ARID4B: variants seen among roughly 807,000 people sequenced by gnomAD.
ARID4B encodes AT-rich interaction domain 4B.
A neutral mutation model predicts 147.5 loss-of-function variants in ARID4B; 26 were observed. The ratio of observed to expected loss-of-function variants is 0.18; its 90% CI spans 0.13 to 0.24. The LOEUF (loss-of-function observed/expected upper bound fraction) is 0.24. Among genes scored for constraint, ARID4B ranks in the 10% least tolerant of loss-of-function variants. The pLI is 1.00. For missense variants in ARID4B, 1,179 were observed against 1,511.5 expected, an observed-to-expected ratio of 0.78 and a Z score of 3.65; for synonymous variants, 512 against 507.9, an observed-to-expected ratio of 1.01 and a Z score of -0.11.
chr1:235,228,870 C>T (rs2103043681), intron 11 of ARID4B: 1 of 177,082 alleles, frequency 5.6e-6, no homozygotes, highest in Non-Finnish European at 1.2e-5. Context: ...TGGTCTCGAT[C>T]TCCTGACCTC....
At chr1:235,246,621 C>T in intron 6 of ARID4B, 110 bp from the exon 7 acceptor site, 1 of 707,432 alleles carries the variant, frequency 1.4e-6, no homozygotes, top group Non-Finnish European at 2.4e-6. Flanking sequence ...TTAAACTCTC[C>T]CCCCAGGGAA....
chr1:235,173,034 G>A (rs1251741604), intron 22 of ARID4B, among the ~76,000 whole-genome samples: 3 of 152,024 alleles, frequency 2.0e-5, no homozygotes, highest in Non-Finnish European at 4.4e-5. Flanking sequence ...TATTACCACA[G>A]TAAAAAATCA....
intron 2 of ARID4B, among the ~76,000 whole-genome samples, chr1:235,305,683 G>A (rs1298747768): frequency 6.6e-6 from 1 of 152,160 alleles, no homozygotes; most frequent in African/African-American, 2.4e-5. Context: ...AATGGGCCAG[G>A]CACGGGGACT....
chr1:235,172,589 A>G (rs1663447323), intron 23 of ARID4B, 29 bp downstream of exon 23: 5 of 1,409,792 alleles, frequency 3.5e-6, no homozygotes, highest in Non-Finnish European at 4.7e-6. Flanking sequence ...AAATAAATAA[A>G]TAAATAAAAA....
intron 2 of ARID4B, among the ~76,000 whole-genome samples, chr1:235,261,325 C>T (rs1018380243): frequency 1.3e-5 from 2 of 152,056 alleles, no homozygotes; most frequent in Non-Finnish European, 2.9e-5. Context: ...TTTGAGACCA[C>T]CCCAAGCAAC....
chr1:235,244,248 G>A (rs1226457046), intron 7 of ARID4B, among the ~76,000 whole-genome samples: 1 of 152,020 alleles, frequency 6.6e-6, no homozygotes, highest in African/African-American at 2.4e-5. Flanking sequence ...TTTTTCTGAA[G>A]GGGAAAAATA....
intron 2 of ARID4B, among the ~76,000 whole-genome samples, chr1:235,325,657 G>T (rs953542914): frequency 2.0e-5 from 3 of 152,142 alleles, no homozygotes; most frequent in Non-Finnish European, 1.5e-5. Context: ...TTTTACACAG[G>T]TGATGAGAGT....
intron 2 of ARID4B, among the ~76,000 whole-genome samples, chr1:235,289,532 T>A (rs1301527090): frequency 1.3e-5 from 2 of 152,020 alleles, no homozygotes; most frequent in African/African-American, 4.8e-5. Flanking sequence ...GAGACCAGCC[T>A]GGACAACATA....
intron 17 of ARID4B, among the ~76,000 whole-genome samples, chr1:235,213,368 C>T (rs1042811092): frequency 3.3e-5 from 5 of 152,080 alleles, no homozygotes; most frequent in African/African-American, 1.2e-4. Context: ...TTTTAAATCC[C>T]TGACTACAGA....
At chr1:235,302,631 A>G (rs1005873963) in intron 2 of ARID4B, among the ~76,000 whole-genome samples, 17 of 152,186 alleles carry the variant, frequency 1.1e-4, no homozygotes, top group African/African-American at 3.4e-4. Context: ...ACTCCTATTG[A>G]TAACACTGCT....
Position 235,182,060 on chromosome 1 carries a change from A to G in ARID4B, c.2859T>C (p.Ala953=). 1 of 1,614,086 alleles carries G rather than the reference A, an allele frequency of 6.2e-7. No individual in the cohort carries two copies. The highest frequency in any genetic ancestry group is 8.5e-7 in the Non-Finnish European group (1 of 1,180,000). ...LFSDSDTEAA[A]SPPHPAPEEG... Reference sequence around the variant, plus strand: ...CCTCTGGGGCAGGATGCGGTGGGGAAGCTGCAGCCTCAGTATCAGAGTCTG... The same window carrying G: ...CCTCTGGGGCAGGATGCGGTGGGGAGGCTGCAGCCTCAGTATCAGAGTCTG... Residue 953 remains alanine (A), a synonymous_variant, in exon 20 of 24, where the codon GCT becomes GCC. Coordinates refer to ENST00000264183, the MANE Select transcript of ARID4B (RefSeq NM_016374.6).
At chr1:235,231,835 T>C (rs1668257492) in intron 9 of ARID4B, among the ~76,000 whole-genome samples, 1 of 152,186 alleles carries the variant, frequency 6.6e-6, no homozygotes, top group South Asian at 2.1e-4. Context: ...GGGCCAGCCA[T>C]GGTGATTCAT....
rs1454397407 is a variant in ARID4B, at chr1:235,234,490, C to G, written c.588G>C (p.Val196=). Residue 196 remains valine (V), a splice_region_variant and synonymous_variant, in exon 9 of 24, where the codon GTG becomes GTC. Transcript: ENST00000264183. ...TCTCATCACTACAATCAGGACAAAC[C>G]ACCTTTTAAGAAAAAGGGTGAAGCT... ...KKKALWFPAL[V]VCPDCSDEIA... 5 of 1,598,846 alleles carry G rather than the reference C, an allele frequency of 3.1e-6. No homozygotes were observed. The highest frequency in any genetic ancestry group is 3.4e-6 in the Non-Finnish European group (4 of 1,169,028).
chr1:235,221,598 G>C lies in ARID4B; in HGVS notation c.1130C>G (p.Ala377Gly). Reference sequence around the variant, plus strand: ...AGCACATTTAACATTGTATCCTGCAGCTGAATTTAAGACAGGGATTCCAAG... The same window carrying C: ...AGCACATTTAACATTGTATCCTGCACCTGAATTTAAGACAGGGATTCCAAG... ...QDLGIPVLNS[A>G]AGYNVKCAYK... is the part of the protein sequence containing the mutation. The change falls in exon 14 of 24, where the codon GCT becomes GGT. Residue 377 changes from alanine to glycine, a missense_variant. Ala to Gly is a moderately conservative substitution (Grantham distance 60, BLOSUM62 0). Coordinates refer to ENST00000264183, the MANE Select transcript of ARID4B (RefSeq NM_016374.6). The C allele has an allele frequency of 6.2e-7, 1 of 1,610,418 alleles. No individual in the cohort carries two copies. The highest frequency in any genetic ancestry group is 8.5e-7 in the Non-Finnish European group (1 of 1,177,456).
chr1:235,240,599 C>T lies in ARID4B; in HGVS notation c.447-148G>A. 4.0e-6 allele frequency: 3 copies of T among 743,374 alleles called. No homozygotes were observed. In the East Asian group the frequency reaches 8.3e-5, roughly 21 times the overall value. 46.0% of individuals were successfully genotyped at this position (743,374 alleles called of 1,614,324 possible). On this transcript the variant is annotated intron_variant, in intron 7 of 23. Transcript: ENST00000264183. ...AAATCTTAAATCATTTTCTAAATTT[C>T]TAAAAAATAACAGCAAGAGTTTATC...
At chr1:235,297,015 T>C (rs567694144) in intron 2 of ARID4B, among the ~76,000 whole-genome samples, 1 of 152,170 alleles carries the variant, frequency 6.6e-6, no homozygotes, top group East Asian at 1.9e-4. Context: ...TTTTTATATA[T>C]ATATTTGATG....
chr1:235,327,056 G>C, intron 1 of ARID4B, 88 bp from the exon 2 acceptor site: 3 of 885,064 alleles, frequency 3.4e-6, no homozygotes, highest in South Asian at 1.5e-5. Flanking sequence ...AGCGACGTCC[G>C]AACCCCGAAG....
chr1:235,298,890 G>A (rs1264306936), intron 2 of ARID4B, among the ~76,000 whole-genome samples: 1 of 149,868 alleles, frequency 6.7e-6, no homozygotes, highest in Non-Finnish European at 1.5e-5. Flanking sequence ...TCCATGCACA[G>A]AGGCATTTCA....
intron 17 of ARID4B, among the ~76,000 whole-genome samples, chr1:235,200,387 A>C (rs1207731257): frequency 6.6e-6 from 1 of 152,162 alleles, no homozygotes; most frequent in Non-Finnish European, 1.5e-5. Flanking sequence ...TGAACCCGAG[A>C]GGCGGAGGTT....
Sources: gnomAD v4.1 joint callset for allele counts (sites outside exome capture counted in the v4.1 genomes callset) on GRCh38, gnomAD v4.1.1 for gene constraint, MANE v1.5 for transcripts, NCBI Gene and HGNC (gene_info 2026-07-23, HGNC 2026-07-21) for gene names.